ANKRD20A1: variants seen among roughly 807,000 people sequenced by gnomAD.
The protein encoded by ANKRD20A1 is ankyrin repeat domain-containing protein 20A1.
In ANKRD20A1, 2 loss-of-function variants were observed where a neutral mutation model predicts 50.9. The observed-to-expected ratio is 0.04, with a 90% confidence interval of 0.02 to 0.12. The LOEUF is 0.12. ANKRD20A1 is among the 10% of genes least tolerant of loss of function. The pLI is 1.00. For missense variants in ANKRD20A1, 31 were observed against 548.1 expected, an observed-to-expected ratio of 0.06 and a Z score of 9.42; for synonymous variants, 10 against 186.2, an observed-to-expected ratio of 0.05 and a Z score of 7.70.
chr9:67,884,503 A>C lies in ANKRD20A1; in HGVS notation c.912A>C (p.Lys304Asn), dbSNP rs757163072. 2 of 1,589,882 alleles carry C rather than the reference A, an allele frequency of 1.3e-6. No individual in the cohort carries two copies. The highest frequency in any genetic ancestry group is 1.3e-5 in the African/African-American group (1 of 74,580). Reference protein sequence around the residue: ...NVATKQCVPEKVSEPLPGSSH... With the variant: ...NVATKQCVPENVSEPLPGSSH... ...TACCTTAGCAGTGTGTCCCCGAGAAAGTGTCAGAGCCTTTACCTGGATCTT... is the reference window on the plus strand; with the variant it reads ...TACCTTAGCAGTGTGTCCCCGAGAACGTGTCAGAGCCTTTACCTGGATCTT... Residue 304 changes from lysine to asparagine, a missense_variant, in exon 9 of 15, where the codon AAA (lysine) becomes AAC (asparagine). Coordinates refer to ENST00000562196, the MANE Select transcript of ANKRD20A1 (RefSeq NM_032250.5).
intron 8 of ANKRD20A1, among the ~76,000 whole-genome samples, chr9:67,881,667 T>C (rs1466887593): frequency 2.0e-5 from 3 of 152,258 alleles, no homozygotes; most frequent in African/African-American, 7.2e-5. Context: ...TGATGGTGCA[T>C]GCCTGTAACC....
intron 8 of ANKRD20A1, among the ~76,000 whole-genome samples, chr9:67,881,723 AG>A (rs1457422530): frequency 2.0e-5 from 3 of 151,638 alleles, no homozygotes; most frequent in African/African-American, 7.2e-5. Context: ...TGAACCCGGG[AG>A]GCGGAGGTTG....
At chr9:67,886,492 A>G (rs2131559232) in intron 9 of ANKRD20A1, among the ~76,000 whole-genome samples, 1 of 73,548 alleles carries the variant, frequency 1.4e-5, no homozygotes, top group African/African-American at 4.1e-5. Context: ...ATTTTGAAAT[A>G]TAAATATGTA....
chr9:67,881,627 C>G (rs1827797932), intron 8 of ANKRD20A1, among the ~76,000 whole-genome samples: 1 of 152,288 alleles, frequency 6.6e-6, no homozygotes, highest in Non-Finnish European at 1.5e-5. Flanking sequence ...CAAAACAAAA[C>G]AAAACAAAAG....
Position 67,859,180 on chromosome 9 carries a change from T to C in ANKRD20A1, c.-247T>C, listed in dbSNP as rs1175981276. The C allele has an allele frequency of 1.3e-5, 3 of 230,448 alleles. 1 individual carries two copies. The highest frequency in any genetic ancestry group is 2.0e-4 in the Admixed American group (2 of 10,206). 14.3% of individuals were successfully genotyped at this position (230,448 alleles called of 1,614,324 possible). A position where few individuals can be genotyped will look rare whatever the true frequency, so the allele number is the denominator to read the frequency against. Reference sequence around the variant, plus strand: ...CGCCCAACGGCTTTGCGAGGCTCACTCGGTCTGAGAGGTCGGAGGCTGCGA... The same window carrying C: ...CGCCCAACGGCTTTGCGAGGCTCACCCGGTCTGAGAGGTCGGAGGCTGCGA... On this transcript the variant is annotated 5_prime_UTR_variant, in exon 1 of 15. Transcript: ENST00000562196.
chr9:67,887,083 A>G lies in ANKRD20A1; in HGVS notation c.980-193A>G, dbSNP rs1587604147. On this transcript the variant is annotated intron_variant, in intron 9 of 14. Coordinates refer to ENST00000562196, the MANE Select transcript of ANKRD20A1 (RefSeq NM_032250.5). Reference sequence around the variant, plus strand: ...TGCATTTTAGGAATCCTATATTCCTATTTTTCTCATTATGTTTCTGTCATG... The same window carrying G: ...TGCATTTTAGGAATCCTATATTCCTGTTTTTCTCATTATGTTTCTGTCATG... 4.4e-5 allele frequency among the ~76,000 whole-genome samples: 4 copies of G among 91,234 alleles called. 2 individuals are homozygous for G. In the South Asian group the frequency reaches 1.5e-3, roughly 33 times the overall value. 59.9% of individuals were successfully genotyped at this position (91,234 alleles called of 152,430 possible).
At chr9:67,881,015 G>C (rs1418315454) in intron 8 of ANKRD20A1, among the ~76,000 whole-genome samples, 3 of 139,110 alleles carry the variant, frequency 2.2e-5, no homozygotes, top group African/African-American at 7.6e-5. Context: ...ATAGCATATA[G>C]CTTTTGTTCT....
chr9:67,863,926 GT>G (rs1171442600), intron 3 of ANKRD20A1, among the ~76,000 whole-genome samples: 3 of 30,970 alleles, frequency 9.7e-5, no homozygotes, highest in African/African-American at 1.6e-4. Flanking sequence ...CCAGGAAGAG[GT>G]TTTTTTTTGT....
chr9:67,866,025 T>G (rs1267288951), intron 3 of ANKRD20A1, among the ~76,000 whole-genome samples: 1 of 150,838 alleles, frequency 6.6e-6, no homozygotes, highest in African/African-American at 2.4e-5. Flanking sequence ...TATTCCTGGT[T>G]ATAGTTGGAT....
At chr9:67,867,885 T>C (rs1259580365) in intron 4 of ANKRD20A1, among the ~76,000 whole-genome samples, 1 of 124,562 alleles carries the variant, frequency 8.0e-6, no homozygotes, top group African/African-American at 2.8e-5. Flanking sequence ...TCTCGATCTC[T>C]TGACCTCGTG....
At chr9:67,893,939 A>G (rs1827977043) in intron 12 of ANKRD20A1, among the ~76,000 whole-genome samples, 1 of 152,310 alleles carries the variant, frequency 6.6e-6, no homozygotes, top group Non-Finnish European at 1.5e-5. Context: ...AGTGGTTCAA[A>G]TGTTGCAGTT....
At chr9:67,871,263 G>C (rs750877916) in intron 6 of ANKRD20A1, 51 bp downstream of exon 6, 2 of 1,425,836 alleles carry the variant, frequency 1.4e-6, no homozygotes, top group Non-Finnish European at 1.9e-6. Flanking sequence ...TCCTACTCTT[G>C]ATAAGAAAAT....
At position 67,865,717 on chromosome 9, in the gene ANKRD20A1, AG is replaced by A. The variant is rs1334650319; in HGVS notation, c.493-1559del. On this transcript the variant is annotated intron_variant, in intron 3 of 14. Transcript: ENST00000562196. Reference sequence around the variant, plus strand: ...TGCTGTGCAGAAGTTGCCCCTTTATAGAAGGCAGGTATTCTCCAGTTTGCTA... The same window carrying A: ...TGCTGTGCAGAAGTTGCCCCTTTATAAAGGCAGGTATTCTCCAGTTTGCTA... Among the ~76,000 whole-genome samples, 29 of 105,074 alleles carry A rather than the reference AG, an allele frequency of 2.8e-4. 1 individual carries two copies. Among genetic ancestry groups the A allele is most frequent in the African/African-American group, 8.3e-4 (28 of 33,776 alleles). The allele number at this position is 105,074 out of a possible 152,430, so 68.9% of individuals were successfully genotyped here.
At chr9:67,882,761 A>G (rs1317473164) in intron 8 of ANKRD20A1, among the ~76,000 whole-genome samples, 1 of 143,628 alleles carries the variant, frequency 7.0e-6, no homozygotes, top group African/African-American at 2.5e-5. Flanking sequence ...TACATTAGGT[A>G]TATCTCCTAA....
At chr9:67,892,768 A>G (rs1278887103) in intron 11 of ANKRD20A1, among the ~76,000 whole-genome samples, 1 of 89,526 alleles carries the variant, frequency 1.1e-5, no homozygotes, top group Non-Finnish European at 2.4e-5. Context: ...TGGGACTACA[A>G]GCACATATCA....
intron 8 of ANKRD20A1, among the ~76,000 whole-genome samples, chr9:67,882,699 A>C (rs1016598378): frequency 8.1e-6 from 1 of 123,544 alleles, no homozygotes; most frequent in Non-Finnish European, 1.7e-5. Context: ...TGGGTTTGTT[A>C]CATGTGTATA....
chr9:67,884,560 A>T lies in ANKRD20A1; in HGVS notation c.969A>T (p.Gly323=). The change falls in exon 9 of 15, where the codon GGA becomes GGT. Residue 323 remains glycine, a synonymous_variant. Coordinates refer to ENST00000562196, the MANE Select transcript of ANKRD20A1 (RefSeq NM_032250.5). ...AAAAAGGAAACAGAATAGTCAATGG[A>T]CAAGGAGAAGGTGAGAACCGTATTT... The part of the protein sequence containing the change: ...SHEKGNRIVN[G]QGEGPPAKHP... 1.3e-6 allele frequency: 2 copies of T among 1,592,158 alleles called. No individual in the cohort carries two copies. Among genetic ancestry groups the T allele is most frequent in the Non-Finnish European group, 8.5e-7 (1 of 1,178,574 alleles).
intron 8 of ANKRD20A1, among the ~76,000 whole-genome samples, chr9:67,881,582 C>T (rs28397763): frequency 1.1e-4 from 16 of 152,342 alleles, no homozygotes; most frequent in African/African-American, 1.4e-4. Context: ...GCCTGGCCAA[C>T]GTGGTGAAAC....
intron 6 of ANKRD20A1, among the ~76,000 whole-genome samples, chr9:67,877,439 A>G (rs1205532878): frequency 6.8e-6 from 1 of 146,268 alleles, no homozygotes; most frequent in African/African-American, 2.4e-5. Flanking sequence ...ATAAGGTCCC[A>G]GGCATGCTCC....
Sources: gnomAD v4.1 joint callset for allele counts (sites outside exome capture counted in the v4.1 genomes callset) on GRCh38, gnomAD v4.1.1 for gene constraint, MANE v1.5 for transcripts, NCBI Gene and HGNC (gene_info 2026-07-23, HGNC 2026-07-21) for gene names.